Variants in BRINP3 observed in about 807,000 individuals in gnomAD.
BRINP3 encodes the protein BMP/retinoic acid inducible neural specific 3.
In BRINP3, 19 loss-of-function variants were observed where a neutral mutation model predicts 71.0. The ratio of observed to expected loss-of-function variants is 0.27; its 90% CI spans 0.19 to 0.39. The LOEUF is 0.39. Among genes scored for constraint, BRINP3 ranks in the 10% least tolerant of loss-of-function variants. The pLI is 1.00. For missense variants in BRINP3, 959 were observed against 940.8 expected (o/e 1.02, Z -0.25); for synonymous variants, 380 against 337.7 (o/e 1.13, Z -1.37).
At chr1:190,287,737 C>G (rs978229469) in intron 2 of BRINP3, among the ~76,000 whole-genome samples, 2 of 152,076 alleles carry the variant, frequency 1.3e-5, no homozygotes, top group African/African-American at 4.8e-5. Flanking sequence ...GTAGCTGTAA[C>G]CTCATGACTA....
chr1:190,187,228 TG>T (rs1653611314), intron 6 of BRINP3, among the ~76,000 whole-genome samples: 2 of 152,178 alleles, frequency 1.3e-5, no homozygotes, highest in Admixed American at 6.6e-5. Flanking sequence ...TTGGCTAATT[TG>T]TTTTATTGCT....
intron 6 of BRINP3, among the ~76,000 whole-genome samples, chr1:190,185,491 T>C (rs1413740529): frequency 6.6e-6 from 1 of 152,100 alleles, no homozygotes; most frequent in East Asian, 1.9e-4. Context: ...ATTTTAAGAA[T>C]AAATTGAATC....
At chr1:190,146,886 T>TA (rs1261187252) in intron 7 of BRINP3, among the ~76,000 whole-genome samples, 4 of 152,034 alleles carry the variant, frequency 2.6e-5, no homozygotes, top group Non-Finnish European at 4.4e-5. Flanking sequence ...TGGAAAATAT[T>TA]AATGGATAAA....
intron 6 of BRINP3, among the ~76,000 whole-genome samples, chr1:190,172,158 C>T (rs911535830): frequency 4.1e-5 from 6 of 145,994 alleles, no homozygotes; most frequent in African/African-American, 1.5e-4. Context: ...AGTGGAACTG[C>T]CTACTAGATG....
chr1:190,166,316 T>A (rs1277333179), intron 6 of BRINP3, among the ~76,000 whole-genome samples: 1 of 152,194 alleles, frequency 6.6e-6, no homozygotes, highest in Admixed American at 6.6e-5. Flanking sequence ...ATGCTGTTTC[T>A]CACTATTTTA....
chr1:190,461,097 A>G lies in BRINP3; in HGVS notation c.-50-6157T>C, dbSNP rs192216257. Among the ~76,000 whole-genome samples the G allele has an allele frequency of 2.6e-3, 391 of 152,266 alleles. 1 individual carries two copies. The highest frequency in any genetic ancestry group is 3.1e-3 in the Admixed American group (48 of 15,292). On this transcript the variant is annotated intron_variant, in intron 1 of 7. Transcript: ENST00000367462. The stretch of plus-strand genomic sequence containing the variant: ...CTGAACATGCAAATCCTTTACCCCC[A>G]ATTATGTAATGACTTTTGTTTCAGG...
At chr1:190,365,830 A>G (rs1280762897) in intron 2 of BRINP3, among the ~76,000 whole-genome samples, 2 of 146,204 alleles carry the variant, frequency 1.4e-5, no homozygotes, top group Non-Finnish European at 3.0e-5. Flanking sequence ...ATATATATAT[A>G]TATATACACA....
intron 6 of BRINP3, among the ~76,000 whole-genome samples, chr1:190,169,707 T>C (rs1266195747): frequency 6.6e-6 from 1 of 152,206 alleles, no homozygotes; most frequent in African/African-American, 2.4e-5. Context: ...ATTACTGTTA[T>C]AATAATGACA....
intron 6 of BRINP3, among the ~76,000 whole-genome samples, chr1:190,190,622 A>G (rs1395144329): frequency 6.6e-6 from 1 of 152,124 alleles, no homozygotes; most frequent in Non-Finnish European, 1.5e-5. Flanking sequence ...ACTGTAGAGC[A>G]TACTGATTCT....
At chr1:190,356,740 T>C (rs1255836558) in intron 2 of BRINP3, among the ~76,000 whole-genome samples, 1 of 152,046 alleles carries the variant, frequency 6.6e-6, no homozygotes, top group African/African-American at 2.4e-5. Flanking sequence ...CCATGTAAGG[T>C]AACATATTCC....
chr1:190,342,029 T>A (rs1667691354), intron 2 of BRINP3, among the ~76,000 whole-genome samples: 1 of 151,208 alleles, frequency 6.6e-6, no homozygotes, highest in Admixed American at 6.6e-5. Context: ...TTTTTTGCAG[T>A]TTCTAGAGTA....
intron 7 of BRINP3, among the ~76,000 whole-genome samples, chr1:190,134,764 G>T (rs1557996969): frequency 6.6e-6 from 1 of 152,048 alleles, no homozygotes; most frequent in Non-Finnish European, 1.5e-5. Context: ...TTTTGGGAGG[G>T]ATATTAAATT....
chr1:190,281,149 C>T lies in BRINP3; in HGVS notation c.427+411G>A, dbSNP rs183015729. ...AATCTGTATCAACTACAATCAGAAACACTAAAATGGTGCTAACAATGTAAT... is the reference window on the plus strand; with the variant it reads ...AATCTGTATCAACTACAATCAGAAATACTAAAATGGTGCTAACAATGTAAT... On this transcript the variant is annotated intron_variant, in intron 3 of 7. Transcript: ENST00000367462. Among the ~76,000 whole-genome samples, 423 of 152,018 alleles carry T rather than the reference C, an allele frequency of 2.8e-3. 4 individuals carry two copies. The highest frequency in any genetic ancestry group is 9.7e-3 in the African/African-American group (403 of 41,506).
intron 7 of BRINP3, among the ~76,000 whole-genome samples, chr1:190,136,001 G>C (rs1654944051): frequency 6.6e-6 from 1 of 151,894 alleles, no homozygotes; most frequent in Non-Finnish European, 1.5e-5. Context: ...ATTAAGTCTA[G>C]AAATAATAAG....
intron 6 of BRINP3, among the ~76,000 whole-genome samples, chr1:190,173,046 C>A (rs746184739): frequency 2.0e-5 from 3 of 152,166 alleles, no homozygotes; most frequent in Non-Finnish European, 4.4e-5. Context: ...TTCTCTACAT[C>A]TTCATGTGAG....
At chr1:190,458,603 G>T (rs188336808) in intron 1 of BRINP3, among the ~76,000 whole-genome samples, 15 of 151,930 alleles carry the variant, frequency 9.9e-5, no homozygotes, top group Non-Finnish European at 1.8e-4. Flanking sequence ...TATTTGGTTT[G>T]GGTTATAACC....
At chr1:190,101,870 G>C (rs568352024) in intron 7 of BRINP3, among the ~76,000 whole-genome samples, 6 of 152,268 alleles carry the variant, frequency 3.9e-5, no homozygotes, top group African/African-American at 1.4e-4. Context: ...CTTTAGAAAA[G>C]CAAGAACTTT....
intron 6 of BRINP3, among the ~76,000 whole-genome samples, chr1:190,221,196 C>T (rs866629568): frequency 6.6e-6 from 1 of 152,078 alleles, no homozygotes; most frequent in East Asian, 1.9e-4. Flanking sequence ...CCAGCCTAGG[C>T]GACAGAGTGA....
chr1:190,229,645 A>AACACACACACACACAC (rs71794093), intron 5 of BRINP3, among the ~76,000 whole-genome samples: 204 of 133,510 alleles, frequency 1.5e-3, no homozygotes, highest in East Asian at 3.7e-3. Flanking sequence ...AACAAAACAA[A>AACACACACACACACAC]ACACACACAC....
Sources: allele counts gnomAD v4.1 joint callset (sites outside exome capture counted in the v4.1 genomes callset), GRCh38; gene constraint gnomAD v4.1.1; transcripts MANE v1.5; gene names NCBI Gene and HGNC (gene_info 2026-07-23, HGNC 2026-07-21).